NOX3: variants seen among roughly 807,000 people sequenced by gnomAD.
NOX3 encodes NADPH oxidase 3.
Under a neutral mutation model 76.7 loss-of-function variants are expected in NOX3, and 74 were observed. The ratio of observed to expected loss-of-function variants is 0.96; its 90% CI spans 0.80 to 1.17. The LOEUF (loss-of-function observed/expected upper bound fraction) is 1.17, where lower values mean the gene tolerates loss of function less well. Ranked by LOEUF, NOX3 falls within the 50% of genes most tolerant of loss-of-function variation. The pLI is 0.00. For missense variants in NOX3, 695 were observed against 703.3 expected, an observed-to-expected ratio of 0.99 and a Z score of 0.13; for synonymous variants, 263 against 261.1, an observed-to-expected ratio of 1.01 and a Z score of -0.07.
Position 155,420,373 on chromosome 6 carries a change from T to C in NOX3, c.1308+2321A>G, listed in dbSNP as rs149741213. Among the ~76,000 whole-genome samples, 4 of 152,310 alleles carry C rather than the reference T, an allele frequency of 2.6e-5. No individual in the cohort carries two copies. In the East Asian group the frequency reaches 7.7e-4, roughly 29 times the overall value. On this transcript the variant is annotated intron_variant, in intron 10 of 13. Transcript: ENST00000159060. ...AGTGAGCCACCTCTCTGAGTGGGATTTACTTGGTAGGCAGCAAGAGGGAAG... is the reference window on the plus strand; with the variant it reads ...AGTGAGCCACCTCTCTGAGTGGGATCTACTTGGTAGGCAGCAAGAGGGAAG...
At chr6:155,454,067 G>C (rs1010868851) in intron 3 of NOX3, among the ~76,000 whole-genome samples, 2 of 152,058 alleles carry the variant, frequency 1.3e-5, no homozygotes, top group Non-Finnish European at 2.9e-5. Flanking sequence ...TCTAAAAAAA[G>C]TACATGCTTT....
chr6:155,401,693 T>C (rs1779228873), intron 12 of NOX3, among the ~76,000 whole-genome samples: 1 of 152,036 alleles, frequency 6.6e-6, no homozygotes, highest in Non-Finnish European at 1.5e-5. Flanking sequence ...TTGACACCTT[T>C]CTTCATCGTT....
chr6:155,445,473 G>C (rs1777048144), intron 4 of NOX3, among the ~76,000 whole-genome samples: 1 of 152,136 alleles, frequency 6.6e-6, no homozygotes, highest in Admixed American at 6.6e-5. Context: ...ATTTAGAAAT[G>C]CTATCTTCTA....
chr6:155,436,839 C>T (rs932529625), intron 6 of NOX3, among the ~76,000 whole-genome samples: 4 of 152,218 alleles, frequency 2.6e-5, no homozygotes, highest in African/African-American at 9.6e-5. Context: ...TGTTTGAACA[C>T]ATCCTTTTGT....
At chr6:155,440,287 G>A (rs922009587) in intron 5 of NOX3, 150 bp from the exon 6 acceptor site, 3 of 599,272 alleles carry the variant, frequency 5.0e-6, no homozygotes, top group South Asian at 3.0e-5. Flanking sequence ...TCAGAAGCAC[G>A]TTAGCCTCAG....
chr6:155,404,124 TATA>T (rs1283687837), intron 12 of NOX3, among the ~76,000 whole-genome samples: 1 of 136,996 alleles, frequency 7.3e-6, no homozygotes, highest in Non-Finnish European at 1.5e-5. Context: ...TATATATATA[TATA>T]TTTTTTTTTT....
chr6:155,445,938 G>GATATATAATATATATATGCTAT (rs1777056089), intron 4 of NOX3, among the ~76,000 whole-genome samples: 10 of 128,810 alleles, frequency 7.8e-5, no homozygotes, highest in Non-Finnish European at 1.1e-4. Flanking sequence ...ATATGCTATA[G>GATATATAATATATATATGCTAT]ATATATAATA....
intron 9 of NOX3, among the ~76,000 whole-genome samples, chr6:155,425,610 G>A (rs972857823): frequency 2.2e-4 from 34 of 152,140 alleles, no homozygotes; most frequent in African/African-American, 7.0e-4. Flanking sequence ...AGCACTTACC[G>A]TGTGCTAAGT....
intron 10 of NOX3, among the ~76,000 whole-genome samples, chr6:155,414,627 T>TTTTTTTTTTTTTTTTTTTTTTC (rs1776600748): frequency 7.6e-6 from 1 of 131,038 alleles, no homozygotes; most frequent in Non-Finnish European, 1.6e-5. Context: ...TTCTTTCTTT[T>TTTTTTTTTTTTTTTTTTTTTTC]TTTTTTTTTT....
chr6:155,406,159 A>G (rs1287714297), intron 12 of NOX3, among the ~76,000 whole-genome samples: 1 of 152,248 alleles, frequency 6.6e-6, no homozygotes, highest in African/African-American at 2.4e-5. Context: ...CCGACTTTTA[A>G]GAGCCGTAGA....
intron 12 of NOX3, among the ~76,000 whole-genome samples, chr6:155,404,127 ATTTT>A (rs4031391): frequency 0.21 from 30,595 of 145,252 alleles, 3,312 homozygotes; most frequent in African/African-American, 0.3. Flanking sequence ...ATATATATAT[ATTTT>A]TTTTTTCCCA....
At chr6:155,413,527 A>AG (rs1302420421) in intron 10 of NOX3, among the ~76,000 whole-genome samples, 1 of 151,876 alleles carries the variant, frequency 6.6e-6, no homozygotes, top group African/African-American at 2.4e-5. Flanking sequence ...GTGGGGGAGG[A>AG]GGAAAGGAGA....
intron 7 of NOX3, among the ~76,000 whole-genome samples, chr6:155,434,286 G>C (rs752295089): frequency 1.3e-5 from 2 of 152,204 alleles, no homozygotes; most frequent in Non-Finnish European, 2.9e-5. Context: ...TCAGCCTTAT[G>C]GTTACGATGA....
At chr6:155,441,647 A>G (rs1776986953) in intron 5 of NOX3, among the ~76,000 whole-genome samples, 1 of 152,246 alleles carries the variant, frequency 6.6e-6, no homozygotes, top group Admixed American at 6.5e-5. Flanking sequence ...CTTACATAGT[A>G]TATTGCTTCT....
At chr6:155,414,619 C>CTTCCTTTT (rs1562461004) in intron 10 of NOX3, among the ~76,000 whole-genome samples, 1 of 119,430 alleles carries the variant, frequency 8.4e-6, no homozygotes, top group Non-Finnish European at 1.7e-5. Flanking sequence ...CTTTTCTTTT[C>CTTCCTTTT]TTTCTTTTTT....
intron 7 of NOX3, among the ~76,000 whole-genome samples, chr6:155,433,703 G>A (rs746043430): frequency 1.3e-5 from 2 of 151,774 alleles, no homozygotes; most frequent in African/African-American, 2.4e-5. Flanking sequence ...TAGAGTGAAT[G>A]CTGTGAATGG....
intron 4 of NOX3, among the ~76,000 whole-genome samples, chr6:155,445,798 T>TAATG (rs1443092059): frequency 2.0e-5 from 3 of 150,896 alleles, no homozygotes; most frequent in African/African-American, 7.3e-5. Context: ...GTAGAAGGGG[T>TAATG]AATGAAAGGG....
intron 5 of NOX3, among the ~76,000 whole-genome samples, chr6:155,441,591 C>G (rs1435338014): frequency 6.6e-6 from 1 of 152,178 alleles, no homozygotes; most frequent in Non-Finnish European, 1.5e-5. Flanking sequence ...ATACTCATCT[C>G]TCTCCAAATA....
intron 4 of NOX3, among the ~76,000 whole-genome samples, chr6:155,445,969 A>ATATATATGCTATATATATATATAAT (rs1380551108): frequency 1.0e-5 from 1 of 96,664 alleles, no homozygotes; most frequent in African/African-American, 4.2e-5. Flanking sequence ...ATATATATAT[A>ATATATATGCTATATATATATATAAT]ATATATATAT....
Sources: gnomAD v4.1 joint callset for allele counts (sites outside exome capture counted in the v4.1 genomes callset) on GRCh38, gnomAD v4.1.1 for gene constraint, MANE v1.5 for transcripts, NCBI Gene and HGNC (gene_info 2026-07-23, HGNC 2026-07-21) for gene names.